The following CEP57 variants were observed in gnomAD, a reference collection of about 807,000 sequenced individuals.
CEP57 encodes centrosomal protein of 57 kDa.
In CEP57, 40 loss-of-function variants were observed where a neutral mutation model predicts 68.0. That is an observed-to-expected ratio of 0.59 (90% confidence interval 0.46 to 0.77). The LOEUF is 0.77. CEP57 is among the 30% of genes least tolerant of loss of function. CEP57 has a pLI of 0.00. For synonymous variants in CEP57, 219 were observed against 198.7 expected, an observed-to-expected ratio of 1.10 and a Z score of -0.86; for missense variants, 606 against 580.7, an observed-to-expected ratio of 1.04 and a Z score of -0.45.
At chr11:95,795,168 T>G (rs1200878792) in intron 1 of CEP57, among the ~76,000 whole-genome samples, 5 of 152,216 alleles carry the variant, frequency 3.3e-5, no homozygotes, top group Non-Finnish European at 7.4e-5. Context: ...ATTGAATTTC[T>G]AGCTTAATTT....
At chr11:95,790,329 C>G, upstream of CEP57, 1 of 370,994 alleles carries the variant, frequency 2.7e-6, no homozygotes. Context: ...CCCGACCCTC[C>G]GTAGAATCCC....
At chr11:95,790,816 G>A in intron 1 of CEP57, 73 bp downstream of exon 1, 2 of 1,556,226 alleles carry the variant, frequency 1.3e-6, no homozygotes, top group East Asian at 2.3e-5. Context: ...ACGTTTCAGG[G>A]CGCTGTCAGT....
chr11:95,822,700 A>ATGCCTTTACCAGTGTGTGGATCG, intron 8 of CEP57, 124 bp downstream of exon 8: 1 of 856,080 alleles, frequency 1.2e-6, no homozygotes, highest in Non-Finnish European at 1.9e-6. Flanking sequence ...TGTGTGGATC[A>ATGCCTTTACCAGTGTGTGGATCG]CAGTGATGTG....
chr11:95,798,015 A>AT (rs1484742745), intron 1 of CEP57, among the ~76,000 whole-genome samples: 2 of 152,204 alleles, frequency 1.3e-5, no homozygotes, highest in Non-Finnish European at 2.9e-5. Context: ...AACTCATCCT[A>AT]TTTTCCAGTT....
chr11:95,794,401 T>G, intron 1 of CEP57: 1 of 446,454 alleles, frequency 2.2e-6, no homozygotes, highest in Non-Finnish European at 4.5e-6. Flanking sequence ...CTAAATTGTT[T>G]TACCAAGTGA....
intron 6 of CEP57, among the ~76,000 whole-genome samples, chr11:95,819,909 T>C (rs1421699937): frequency 1.3e-5 from 2 of 152,138 alleles, no homozygotes; most frequent in African/African-American, 4.8e-5. Context: ...GTAGATTTGT[T>C]GTTGTTTTCC....
chr11:95,830,951 G>A (rs765561812), intron 10 of CEP57, 75 bp from the exon 11 acceptor site: 1 of 1,123,170 alleles, frequency 8.9e-7, no homozygotes, highest in Non-Finnish European at 1.3e-6. Context: ...AGGTACTCTT[G>A]TACTTTTTGT....
At chr11:95,793,030 A>G (rs532147510) in intron 1 of CEP57, among the ~76,000 whole-genome samples, 2 of 152,222 alleles carry the variant, frequency 1.3e-5, no homozygotes, top group African/African-American at 2.4e-5. Context: ...TGTTTTCGAC[A>G]TTGATAAACT....
chr11:95,807,335 C>T (rs1380128521), intron 2 of CEP57, among the ~76,000 whole-genome samples: 2 of 152,142 alleles, frequency 1.3e-5, no homozygotes, highest in African/African-American at 2.4e-5. Flanking sequence ...AGCTCCTTGC[C>T]AGCAACAGAA....
chr11:95,818,968 C>A, intron 6 of CEP57, 64 bp downstream of exon 6: 6 of 1,223,038 alleles, frequency 4.9e-6, no homozygotes, highest in Non-Finnish European at 7.2e-6. Flanking sequence ...TACAAGTAAA[C>A]AATTACATTT....
intron 1 of CEP57, among the ~76,000 whole-genome samples, chr11:95,791,560 T>C (rs1861078266): frequency 1.3e-5 from 2 of 152,144 alleles, no homozygotes; most frequent in South Asian, 4.1e-4. Flanking sequence ...ATGAACAGAA[T>C]AGAAACCCTG....
Position 95,827,976 on chromosome 11 carries a change from A to T in CEP57, c.1076A>T (p.Glu359Val), listed in dbSNP as rs748167470. The T allele has an allele frequency of 5.0e-6, 8 of 1,613,958 alleles. No homozygotes were observed. Among genetic ancestry groups the T allele is most frequent in the South Asian group, 1.1e-5 (1 of 91,082 alleles). The change falls in exon 9 of 11, where the codon GAG (glutamate) becomes GTG (valine). Residue 359 changes from glutamate (E) to valine (V), a missense_variant. Physicochemically the swap from Glu to Val is moderately radical, Grantham distance 121. Coordinates refer to ENST00000325542, the MANE Select transcript of CEP57 (RefSeq NM_014679.5). ...CCCTCCTCCAACGGTATTAATGAGG[A>T]GTTGTCAGAAGTCTTACAGACTTTA... ...TPPSSNGINE[E>V]LSEVLQTLQD...
intron 2 of CEP57, among the ~76,000 whole-genome samples, chr11:95,800,681 C>T (rs535806907): frequency 1.3e-5 from 2 of 152,278 alleles, no homozygotes; most frequent in Admixed American, 6.5e-5. Flanking sequence ...TGAGCTACCG[C>T]GCCTGGCCAA....
intron 2 of CEP57, among the ~76,000 whole-genome samples, chr11:95,812,174 ACT>A (rs1422274484): frequency 1.3e-5 from 2 of 152,076 alleles, no homozygotes; most frequent in Non-Finnish European, 2.9e-5. Flanking sequence ...CTTGACTGTA[ACT>A]CTATAGTTGG....
At chr11:95,813,852 A>G (rs559319884) in intron 4 of CEP57, among the ~76,000 whole-genome samples, 124 of 152,342 alleles carry the variant, frequency 8.1e-4, no homozygotes, top group African/African-American at 2.8e-3. Context: ...TCTACATTAT[A>G]AAAAGTGTAA....
chr11:95,830,480 C>T (rs990085707), intron 10 of CEP57, among the ~76,000 whole-genome samples: 1 of 152,046 alleles, frequency 6.6e-6, no homozygotes, highest in African/African-American at 2.4e-5. Context: ...ATAAAGCTCC[C>T]GTATTTAAAA....
intron 6 of CEP57, among the ~76,000 whole-genome samples, chr11:95,820,545 C>A (rs1862474565): frequency 7.0e-6 from 1 of 142,866 alleles, no homozygotes; most frequent in Non-Finnish European, 1.5e-5. Context: ...GAGTTGAGAT[C>A]ACACCACCTG....
chr11:95,796,019 C>T (rs1389027152), intron 1 of CEP57, among the ~76,000 whole-genome samples: 1 of 152,172 alleles, frequency 6.6e-6, no homozygotes, highest in Non-Finnish European at 1.5e-5. Flanking sequence ...AAGCAGTGTT[C>T]TGTTGAATGC....
Position 95,817,855 on chromosome 11 carries a change from T to C in CEP57, c.573T>C (p.Leu191=). 1 of 1,613,984 alleles carries C rather than the reference T, an allele frequency of 6.2e-7. No individual in the cohort carries two copies. Among genetic ancestry groups the C allele is most frequent in the Non-Finnish European group, 8.5e-7 (1 of 1,179,916 alleles). Residue 191 remains leucine, a synonymous_variant, in exon 5 of 11, where the codon CTT becomes CTC. Coordinates refer to ENST00000325542, the MANE Select transcript of CEP57 (RefSeq NM_014679.5). ...HVQSQLEKLD[L]LEQEYNKLTT... ...AGAGCCAACTTGAAAAATTGGATCT[T>C]CTTGAACAGGAGTATAACAAACTTA...
Sources: allele counts gnomAD v4.1 joint callset (sites outside exome capture counted in the v4.1 genomes callset), GRCh38; gene constraint gnomAD v4.1.1; transcripts MANE v1.5; gene names NCBI Gene and HGNC (gene_info 2026-07-23, HGNC 2026-07-21).